The following PDE3A variants were observed in gnomAD, a reference collection of about 807,000 sequenced individuals.
The protein encoded by PDE3A is cGMP-inhibited 3',5'-cyclic phosphodiesterase 3A.
In PDE3A, 43 loss-of-function variants were observed where a neutral mutation model predicts 98.3. The ratio of observed to expected loss-of-function variants is 0.44; its 90% CI spans 0.34 to 0.56. PDE3A has a LOEUF of 0.56. PDE3A is among the 20% of genes least tolerant of loss of function. The pLI is 0.01. For synonymous variants in PDE3A, 663 were observed against 567.9 expected (o/e 1.17, Z -2.38); for missense variants, 1,427 against 1,440.7 (o/e 0.99, Z 0.15).
chr12:20,668,710 A>G (rs1407351651), intron 15 of PDE3A, among the ~76,000 whole-genome samples: 5 of 150,238 alleles, frequency 3.3e-5, no homozygotes, highest in African/African-American at 9.7e-5. Flanking sequence ...CATCACCATC[A>G]TCAAAGACCA....
intron 1 of PDE3A, among the ~76,000 whole-genome samples, chr12:20,426,874 G>A (rs544265929): frequency 2.6e-4 from 39 of 152,182 alleles, no homozygotes; most frequent in African/African-American, 8.7e-4. Context: ...CATTGGGCTT[G>A]GGCAGTAAAG....
chr12:20,437,543 C>T (rs1257870054), intron 1 of PDE3A, among the ~76,000 whole-genome samples: 1 of 152,092 alleles, frequency 6.6e-6, no homozygotes, highest in Non-Finnish European at 1.5e-5. Context: ...GGAGTTTTTA[C>T]TCATGGCAGA....
At chr12:20,639,675 C>A (rs1303607388) in intron 9 of PDE3A, among the ~76,000 whole-genome samples, 171 bp from the exon 10 acceptor site, 1 of 152,088 alleles carries the variant, frequency 6.6e-6, no homozygotes, top group African/African-American at 2.4e-5. Flanking sequence ...TTTCAATATA[C>A]AGCCTGCCTT....
At chr12:20,535,521 G>A (rs1941726789) in intron 1 of PDE3A, among the ~76,000 whole-genome samples, 1 of 152,178 alleles carries the variant, frequency 6.6e-6, no homozygotes, top group Non-Finnish European at 1.5e-5. Flanking sequence ...TTATGAGAGA[G>A]GGGAAATAAT....
rs564675864 is a variant in PDE3A at position 20,450,246 on chromosome 12, A to G, written c.960+80002A>G. 2.0e-5 allele frequency among the ~76,000 whole-genome samples: 3 copies of G among 152,264 alleles called. No individual in the cohort carries two copies. In the South Asian group the frequency reaches 6.2e-4, roughly 32 times the overall value. Reference sequence around the variant, plus strand: ...CTTACTAGAGTTGTCTAGTTTCTCAAAATTGTGAGGTTTATGCTAAACACT... The same window carrying G: ...CTTACTAGAGTTGTCTAGTTTCTCAGAATTGTGAGGTTTATGCTAAACACT... On this transcript the variant is annotated intron_variant, in intron 1 of 15. Coordinates refer to ENST00000359062, the MANE Select transcript of PDE3A (RefSeq NM_000921.5).
intron 1 of PDE3A, among the ~76,000 whole-genome samples, chr12:20,513,592 T>C (rs893773104): frequency 6.6e-6 from 1 of 152,166 alleles, no homozygotes; most frequent in Admixed American, 6.5e-5. Context: ...TATTAATTTC[T>C]CATGGAATTT....
intron 9 of PDE3A, among the ~76,000 whole-genome samples, chr12:20,638,365 C>T (rs907908568): frequency 6.6e-6 from 1 of 152,146 alleles, no homozygotes; most frequent in African/African-American, 2.4e-5. Flanking sequence ...ACACAAAATT[C>T]TTACAAAGTC....
At chr12:20,575,659 C>T (rs1197635444) in intron 2 of PDE3A, among the ~76,000 whole-genome samples, 18 of 151,914 alleles carry the variant, frequency 1.2e-4, no homozygotes. Flanking sequence ...AGACTTTCAT[C>T]CAAGTGAAAA....
chr12:20,643,060 T>TG (rs1344044506), intron 10 of PDE3A, among the ~76,000 whole-genome samples: 1 of 151,968 alleles, frequency 6.6e-6, no homozygotes, highest in Admixed American at 6.6e-5. Flanking sequence ...AAGAGGGAGA[T>TG]GGGCGGACTC....
In PDE3A at chr12:20,381,427, T is replaced by C. The variant is rs530434155; in HGVS notation, c.960+11183T>C. On this transcript the variant is annotated intron_variant, in intron 1 of 15. Coordinates refer to ENST00000359062, the MANE Select transcript of PDE3A (RefSeq NM_000921.5). Reference sequence around the variant, plus strand: ...GTTTTCAAAAAATATTTTATGGTCTTTTGAGGGCATAATATTAGTGCATGT... The same window carrying C: ...GTTTTCAAAAAATATTTTATGGTCTCTTGAGGGCATAATATTAGTGCATGT... 1.6e-4 allele frequency among the ~76,000 whole-genome samples: 24 copies of C among 151,974 alleles called. No individual in the cohort carries two copies. The South Asian group carries it at 4.6e-3, about 29-fold the overall frequency.
At chr12:20,404,991 A>G (rs1298201074) in intron 1 of PDE3A, among the ~76,000 whole-genome samples, 1 of 151,954 alleles carries the variant, frequency 6.6e-6, no homozygotes, top group African/African-American at 2.4e-5. Flanking sequence ...TTCCCCCAAA[A>G]TTTATTTTGA....
intron 2 of PDE3A, among the ~76,000 whole-genome samples, chr12:20,578,508 C>CACACACAT (rs144461743): frequency 4.3e-4 from 65 of 149,430 alleles, no homozygotes; most frequent in African/African-American, 1.6e-3. Flanking sequence ...CACACACACA[C>CACACACAT]GTAGTACTCA....
intron 2 of PDE3A, among the ~76,000 whole-genome samples, chr12:20,559,253 C>A (rs1004515568): frequency 5.9e-5 from 9 of 151,938 alleles, no homozygotes; most frequent in African/African-American, 1.9e-4. Flanking sequence ...AGCCTAGTAA[C>A]AATAGGCTAC....
intron 1 of PDE3A, among the ~76,000 whole-genome samples, chr12:20,455,249 G>A (rs905989711): frequency 5.9e-5 from 9 of 152,100 alleles, no homozygotes; most frequent in South Asian, 4.1e-4. Context: ...TTGTGGCCAC[G>A]TGTACGTCTT....
chr12:20,670,736 A>G (rs1384759118), intron 15 of PDE3A, among the ~76,000 whole-genome samples: 1 of 141,924 alleles, frequency 7.0e-6, no homozygotes, highest in Non-Finnish European at 1.5e-5. Context: ...AATGCCCACA[A>G]GAGAAAGCAG....
At chr12:20,587,374 T>C (rs1943222378) in intron 2 of PDE3A, among the ~76,000 whole-genome samples, 2 of 151,884 alleles carry the variant, frequency 1.3e-5, no homozygotes, top group South Asian at 4.1e-4. Flanking sequence ...ACCTCAAAAA[T>C]TAAATAATAA....
At chr12:20,610,011 A>G (rs1380365839) in intron 2 of PDE3A, among the ~76,000 whole-genome samples, 1 of 151,988 alleles carries the variant, frequency 6.6e-6, no homozygotes, top group African/African-American at 2.4e-5. Context: ...ATAACACACC[A>G]AAATCTCAGG....
At chr12:20,650,652 G>A (rs764586361) in intron 14 of PDE3A, 52 bp downstream of exon 14, 32 of 1,174,422 alleles carry the variant, frequency 2.7e-5, no homozygotes, top group African/African-American at 4.5e-5. Flanking sequence ...GGTTGCTCAT[G>A]AATTGCTCAA....
chr12:20,579,962 C>T (rs746402303), intron 2 of PDE3A, among the ~76,000 whole-genome samples: 1 of 152,030 alleles, frequency 6.6e-6, no homozygotes, highest in Non-Finnish European at 1.5e-5. Context: ...TTGATTAATT[C>T]ACAAAGAAAA....
Sources: gnomAD v4.1 joint callset for allele counts (sites outside exome capture counted in the v4.1 genomes callset) on GRCh38, gnomAD v4.1.1 for gene constraint, MANE v1.5 for transcripts, NCBI Gene and HGNC (gene_info 2026-07-23, HGNC 2026-07-21) for gene names.